The following RAP1GAP2 variants were observed in gnomAD, a reference collection of about 807,000 sequenced individuals.
RAP1GAP2 encodes the protein rap1 GTPase-activating protein 2.
In RAP1GAP2, 27 loss-of-function variants were observed where a neutral mutation model predicts 95.0. The observed-to-expected ratio is 0.28, with a 90% CI of 0.21 to 0.39. The LOEUF (loss-of-function observed/expected upper bound fraction) is 0.39. RAP1GAP2 is among the 10% of genes least tolerant of loss of function. The pLI, the probability that RAP1GAP2 is intolerant of heterozygous loss-of-function variation, is 1.00. For synonymous variants in RAP1GAP2, 373 were observed against 380.9 expected, an observed-to-expected ratio of 0.98 and a Z score of 0.24; for missense variants, 771 against 970.0, an observed-to-expected ratio of 0.79 and a Z score of 2.72.
chr17:2,846,826 T>G (rs2071608183), intron 2 of RAP1GAP2, among the ~76,000 whole-genome samples: 1 of 152,174 alleles, frequency 6.6e-6, no homozygotes, highest in African/African-American at 2.4e-5. Flanking sequence ...ATTCCCTCAC[T>G]GTAGTGTCTT....
chr17:2,913,519 C>T (rs1052510765), intron 3 of RAP1GAP2, among the ~76,000 whole-genome samples: 1 of 152,108 alleles, frequency 6.6e-6, no homozygotes, highest in Non-Finnish European at 1.5e-5. Context: ...AAACTCCTGA[C>T]CTCAGGTGAT....
At chr17:2,873,458 G>A (rs1404993763) in intron 2 of RAP1GAP2, among the ~76,000 whole-genome samples, 5 of 74,598 alleles carry the variant, frequency 6.7e-5, no homozygotes, top group African/African-American at 2.5e-4. Flanking sequence ...CAGGGTAATA[G>A]AATGAGACCC....
chr17:2,993,122 T>A (rs1368023553), intron 12 of RAP1GAP2, among the ~76,000 whole-genome samples: 1 of 149,500 alleles, frequency 6.7e-6, no homozygotes, highest in African/African-American at 2.5e-5. Flanking sequence ...CTTGGGAGGC[T>A]GAGGCAGGAG....
Position 2,892,760 on chromosome 17 carries a change from G to A in RAP1GAP2, c.81-12524G>A, listed in dbSNP as rs80188780. Reference sequence around the variant, plus strand: ...ATTCCTGAAAGTGAGGTAATGTTACGTCTGTCTCATTCTGTTGGTCAAGAC... The same window carrying A: ...ATTCCTGAAAGTGAGGTAATGTTACATCTGTCTCATTCTGTTGGTCAAGAC... On this transcript the variant is annotated intron_variant, in intron 2 of 24. Transcript: ENST00000254695. 3.9e-3 allele frequency among the ~76,000 whole-genome samples: 592 copies of A among 152,214 alleles called. 4 individuals carry two copies. Among genetic ancestry groups the A allele is most frequent in the African/African-American group, 0.014 (561 of 41,528 alleles).
intron 2 of RAP1GAP2, among the ~76,000 whole-genome samples, chr17:2,880,086 G>T (rs1597496576): frequency 6.6e-6 from 1 of 152,210 alleles, no homozygotes; most frequent in East Asian, 1.9e-4. Flanking sequence ...GGGGCTGGGA[G>T]CAGGGTGCCG....
chr17:2,836,885 G>T (rs1451493008), intron 2 of RAP1GAP2, among the ~76,000 whole-genome samples: 1 of 152,088 alleles, frequency 6.6e-6, no homozygotes, highest in African/African-American at 2.4e-5. Context: ...TAAAAATTTG[G>T]TGTTCACTCT....
chr17:2,850,668 T>A (rs1053717019), intron 2 of RAP1GAP2, among the ~76,000 whole-genome samples: 2 of 143,576 alleles, frequency 1.4e-5, no homozygotes, highest in Admixed American at 7.3e-5. Flanking sequence ...GGGAATGGCA[T>A]GAACCCGGTT....
intron 2 of RAP1GAP2, among the ~76,000 whole-genome samples, chr17:2,833,621 C>T (rs1439333423): frequency 1.5e-5 from 2 of 137,862 alleles, no homozygotes; most frequent in African/African-American, 2.7e-5. Context: ...ACCTGGGAGG[C>T]GGAGCTTGCA....
chr17:2,936,781 G>A (rs187750231), intron 3 of RAP1GAP2, among the ~76,000 whole-genome samples: 1 of 152,084 alleles, frequency 6.6e-6, no homozygotes, highest in African/African-American at 2.4e-5. Flanking sequence ...AGTCCTCCCG[G>A]GACCCCCTTC....
chr17:2,963,751 G>C lies in RAP1GAP2; in HGVS notation c.280-105G>C. On this transcript the variant is annotated intron_variant, in intron 6 of 24. Transcript: ENST00000254695. This position sits in a 1 kb window ranked among gnomAD's most constrained non-coding sequence, Gnocchi z 4.8. ...CTGCCTTTGGCCTCAAGTACCAGTGGGTACCAGGCCCCACTCCTGGGAGCA... is the reference window on the plus strand; with the variant it reads ...CTGCCTTTGGCCTCAAGTACCAGTGCGTACCAGGCCCCACTCCTGGGAGCA... 1 of 1,056,296 alleles carries C rather than the reference G, an allele frequency of 9.5e-7. No individual in the cohort carries two copies. The highest frequency in any genetic ancestry group is 2.6e-5 in the East Asian group (1 of 38,320). 65.4% of individuals were successfully genotyped at this position (1,056,296 alleles called of 1,614,324 possible).
In RAP1GAP2 at chr17:2,906,812, A is replaced by C. The variant is rs1452487630; in HGVS notation, c.165+1444A>C. Among the ~76,000 whole-genome samples, 1 of 152,182 alleles carries C rather than the reference A, an allele frequency of 6.6e-6. No individual in the cohort carries two copies. Among genetic ancestry groups the C allele is most frequent in the Non-Finnish European group, 1.5e-5 (1 of 68,026 alleles). On this transcript the variant is annotated intron_variant, in intron 3 of 24. Coordinates refer to ENST00000254695, the MANE Select transcript of RAP1GAP2 (RefSeq NM_015085.5). This position sits in a 1 kb window ranked among gnomAD's most constrained non-coding sequence, Gnocchi z 4.3. ...GCAGATTTTACTTACTCATGTACTC[A>C]TTTAATTCATTTAATACCCAGTATT... is the stretch of plus-strand genomic sequence containing the variant.
intron 3 of RAP1GAP2, among the ~76,000 whole-genome samples, chr17:2,951,461 G>C (rs2043921409): frequency 6.6e-6 from 1 of 152,210 alleles, no homozygotes; most frequent in Non-Finnish European, 1.5e-5. Flanking sequence ...GCTCACACCT[G>C]TAATCCCAGC....
rs187170862 is a variant in RAP1GAP2 at position 2,961,963 on chromosome 17, C to T, written c.202-707C>T. On this transcript the variant is annotated intron_variant, in intron 4 of 24. Coordinates refer to ENST00000254695, the MANE Select transcript of RAP1GAP2 (RefSeq NM_015085.5). ...TGTTGCCCAGGCTGAAGTGCAATGG[C>T]GCGATCTCGGCTCACTGCAACCTCT... is the stretch of plus-strand genomic sequence containing the variant. Among the ~76,000 whole-genome samples the T allele has an allele frequency of 7.4e-3, 1,088 of 147,694 alleles. 13 individuals are homozygous for T. Among genetic ancestry groups the T allele is most frequent in the South Asian group, 0.02 (94 of 4,664 alleles).
chr17:2,971,662 T>G (rs952979270), intron 8 of RAP1GAP2, among the ~76,000 whole-genome samples: 1 of 152,224 alleles, frequency 6.6e-6, no homozygotes, highest in Non-Finnish European at 1.5e-5. Flanking sequence ...GTGTCTCATT[T>G]TCCTCATCTG....
intron 3 of RAP1GAP2, among the ~76,000 whole-genome samples, chr17:2,905,936 G>A (rs1488386035): frequency 1.3e-5 from 2 of 152,190 alleles, no homozygotes; most frequent in African/African-American, 2.4e-5. Flanking sequence ...GACGGGAGCC[G>A]AGGGAGCAGT....
At chr17:2,863,082 AC>A (rs2151623732) in intron 2 of RAP1GAP2, among the ~76,000 whole-genome samples, 1 of 151,050 alleles carries the variant, frequency 6.6e-6, no homozygotes, top group Non-Finnish European at 1.5e-5. Flanking sequence ...TGCCCGGGGT[AC>A]CCTTTATACC....
rs1291628449 is a variant in RAP1GAP2, at chr17:2,906,081, C to G, written c.165+713C>G. The stretch of plus-strand genomic sequence containing the variant: ...GTTTCTGCATAGGCTGGCATGCACG[C>G]TCTCCCTCCCTCCCTCCCTGCCTCC... On this transcript the variant is annotated intron_variant, in intron 3 of 24. Transcript: ENST00000254695. This position sits in a 1 kb window ranked among gnomAD's most constrained non-coding sequence, Gnocchi z 4.3. 3.3e-5 allele frequency among the ~76,000 whole-genome samples: 5 copies of G among 152,188 alleles called. No homozygotes were observed. The highest frequency in any genetic ancestry group is 7.4e-5 in the Non-Finnish European group (5 of 68,014).
intron 2 of RAP1GAP2, among the ~76,000 whole-genome samples, chr17:2,880,895 G>A (rs574809420): frequency 6.6e-6 from 1 of 152,280 alleles, no homozygotes; most frequent in Non-Finnish European, 1.5e-5. Flanking sequence ...GGGAGGCCGA[G>A]GCGGGTGGAT....
chr17:2,891,823 T>TTTTTTA (rs1555562787), intron 2 of RAP1GAP2, among the ~76,000 whole-genome samples: 1 of 114,572 alleles, frequency 8.7e-6, no homozygotes. Flanking sequence ...TCTTTTTTTT[T>TTTTTTA]TTTTTTTTTT....
Sources: gnomAD v4.1 joint callset for allele counts (sites outside exome capture counted in the v4.1 genomes callset) on GRCh38, gnomAD v4.1.1 for gene constraint, Gnocchi (gnomAD v3.1) non-coding constraint, MANE v1.5 for transcripts, NCBI Gene and HGNC (gene_info 2026-07-23, HGNC 2026-07-21) for gene names.